The following PHF3 variants were observed in gnomAD, a reference collection of about 807,000 sequenced individuals.
PHF3 encodes the protein PHD finger protein 3.
PHF3 carries 41 observed loss-of-function variants against 178.4 expected under a neutral mutation model. The observed-to-expected ratio is 0.23, with a 90% CI of 0.18 to 0.30. The LOEUF is 0.30. Ranked by LOEUF, PHF3 falls within the 10% of genes least tolerant of loss-of-function variation. The pLI is 1.00. For missense variants in PHF3, 2,346 were observed against 2,398.1 expected (o/e 0.98, Z 0.45); for synonymous variants, 842 against 800.5 (o/e 1.05, Z -0.88).
At chr6:63,665,977 T>C (rs780912845) in intron 2 of PHF3, among the ~76,000 whole-genome samples, 1 of 152,210 alleles carries the variant, frequency 6.6e-6, no homozygotes, top group Non-Finnish European at 1.5e-5. Flanking sequence ...GACTGACATG[T>C]ATTCATCAAG....
Position 63,717,152 on chromosome 6 carries a change from GT to G in PHF3, c.*3445del, listed in dbSNP as rs1768215963. Among the ~76,000 whole-genome samples, 1 of 152,030 alleles carries G rather than the reference GT, an allele frequency of 6.6e-6. No individual in the cohort carries two copies. On this transcript the variant is annotated 3_prime_UTR_variant, in exon 16 of 16. Coordinates refer to ENST00000262043, the MANE Select transcript of PHF3 (RefSeq NM_001370348.2). Reference sequence around the variant, plus strand: ...AATAGAGAAGAAAATGGAGTGAAAAGTGAAGCCACTCCATGTTAACGTGTGT... The same window carrying G: ...AATAGAGAAGAAAATGGAGTGAAAAGGAAGCCACTCCATGTTAACGTGTGT...
chr6:63,718,377 GC>G lies in PHF3; in HGVS notation c.*4670del, dbSNP rs1475440856. ...ACTCTTAAAAATTGAGAATGTCAAAGCTTTTGTTTATATGGCTTATATCATT... is the reference window on the plus strand; with the variant it reads ...ACTCTTAAAAATTGAGAATGTCAAAGTTTTGTTTATATGGCTTATATCATT... On this transcript the variant is annotated 3_prime_UTR_variant, in exon 16 of 16. Transcript: ENST00000262043. Among the ~76,000 whole-genome samples, 1 of 151,864 alleles carries G rather than the reference GC, an allele frequency of 6.6e-6. No individual in the cohort carries two copies. Among genetic ancestry groups the G allele is most frequent in the Non-Finnish European group, 1.5e-5 (1 of 67,900 alleles).
rs151050780 is a variant in PHF3 at position 63,685,533 on chromosome 6, C to G, written c.1811C>G (p.Pro604Arg). The G allele has an allele frequency of 3.7e-6, 6 of 1,614,078 alleles. No homozygotes were observed. Among genetic ancestry groups the G allele is most frequent in the Non-Finnish European group, 5.1e-6 (6 of 1,179,998 alleles). Residue 604 changes from proline (P) to arginine (R), a missense_variant, in exon 4 of 16, where the codon CCT becomes CGT. Physicochemically the swap from Pro to Arg is moderately radical, Grantham distance 103. Around this residue, in one of 8 missense-constraint regions of PHF3, gnomAD observed 843 missense variants for 795.2 expected, o/e 1.06. Transcript: ENST00000262043. The stretch of plus-strand genomic sequence containing the variant: ...TTGAGTGATAAGTCACACGCTCATC[C>G]TGGTTGCTTGAAAGAACCTCATCAT... ...HSLSDKSHAHPGCLKEPHHPA... is the reference protein window; with the variant it reads ...HSLSDKSHAHRGCLKEPHHPA...
chr6:63,678,025 C>G (rs901772914), intron 2 of PHF3, among the ~76,000 whole-genome samples: 1 of 152,110 alleles, frequency 6.6e-6, no homozygotes, highest in Admixed American at 6.5e-5. Flanking sequence ...GAGTTCGAGA[C>G]CAGCCTGGCC....
At chr6:63,698,799 C>G (rs1225518918) in intron 8 of PHF3, among the ~76,000 whole-genome samples, 194 bp downstream of exon 8, 1 of 152,104 alleles carries the variant, frequency 6.6e-6, no homozygotes, top group African/African-American at 2.4e-5. Context: ...ACCATTCAGT[C>G]TACTGAAATG....
intron 8 of PHF3, 139 bp downstream of exon 8, chr6:63,698,744 AAT>A (rs1472018206): frequency 3.3e-5 from 19 of 571,054 alleles, no homozygotes; most frequent in African/African-American, 5.7e-5. Context: ...ATGTAATTTT[AAT>A]AGTCTTTTTG....
chr6:63,665,489 T>TTTG (rs931903971), intron 2 of PHF3, among the ~76,000 whole-genome samples: 12 of 144,458 alleles, frequency 8.3e-5, no homozygotes, highest in African/African-American at 1.3e-4. Context: ...TTTTTTTGTT[T>TTTG]TTTTTTTTTT....
Position 63,706,069 on chromosome 6 carries a change from A to C in PHF3, c.3408A>C (p.Lys1136Asn). 1 of 1,613,774 alleles carries C rather than the reference A, an allele frequency of 6.2e-7. No homozygotes were observed. Among genetic ancestry groups the C allele is most frequent in the African/African-American group, 1.3e-5 (1 of 75,056 alleles). The change falls in exon 12 of 16, where the codon AAA becomes AAC. Residue 1136 changes from lysine to asparagine, a missense_variant. Transcript: ENST00000262043. Reference protein sequence around the residue: ...APPVDDLSPKKVKVVVGVARK... With the variant: ...APPVDDLSPKNVKVVVGVARK... ...CTGTAGATGATCTTTCTCCAAAAAAAGTAAAAGTTGTTGTAGGAGTAGCTC... is the reference window on the plus strand; with the variant it reads ...CTGTAGATGATCTTTCTCCAAAAAACGTAAAAGTTGTTGTAGGAGTAGCTC...
At chr6:63,641,567 T>C (rs903998466) in intron 1 of PHF3, among the ~76,000 whole-genome samples, 1 of 144,126 alleles carries the variant, frequency 6.9e-6, no homozygotes, top group Non-Finnish European at 1.5e-5. Context: ...TGTGTGTGTG[T>C]GTTTTAGGAA....
intron 4 of PHF3, among the ~76,000 whole-genome samples, chr6:63,688,127 A>T (rs1231595789): frequency 2.1e-5 from 3 of 142,542 alleles, no homozygotes; most frequent in Non-Finnish European, 4.6e-5. Flanking sequence ...CGGAGCTTGC[A>T]GTGAGCCGAG....
At chr6:63,652,253 T>C (rs1765049929) in intron 2 of PHF3, among the ~76,000 whole-genome samples, 1 of 152,232 alleles carries the variant, frequency 6.6e-6, no homozygotes, top group African/African-American at 2.4e-5. Context: ...TGAGATGATA[T>C]CTCATTGTAG....
intron 4 of PHF3, among the ~76,000 whole-genome samples, chr6:63,689,353 T>C (rs1766892919): frequency 6.6e-6 from 1 of 152,164 alleles, no homozygotes; most frequent in Non-Finnish European, 1.5e-5. Context: ...GCCCCAATTG[T>C]AGAAGACTAG....
chr6:63,676,490 G>A (rs114903619), intron 2 of PHF3, among the ~76,000 whole-genome samples: 173 of 152,336 alleles, frequency 1.1e-3, no homozygotes, highest in African/African-American at 4.0e-3. Flanking sequence ...AATGAGTTAT[G>A]GGTATTTGGG....
At chr6:63,707,649 C>T (rs139160572) in intron 13 of PHF3, among the ~76,000 whole-genome samples, 2,359 of 151,002 alleles carry the variant, frequency 0.016, 49 homozygotes, top group South Asian at 0.089. Context: ...TATTCTCTAT[C>T]TGCTGATTTT....
intron 2 of PHF3, among the ~76,000 whole-genome samples, chr6:63,651,756 T>C (rs1275364013): frequency 2.0e-5 from 3 of 152,138 alleles, no homozygotes; most frequent in Non-Finnish European, 4.4e-5. Context: ...ACTGTCTACT[T>C]GTGTGAGCTC....
At chr6:63,637,661 A>G (rs146287086) in intron 1 of PHF3, among the ~76,000 whole-genome samples, 2 of 152,128 alleles carry the variant, frequency 1.3e-5, no homozygotes, top group East Asian at 1.9e-4. Context: ...TATCACTGTT[A>G]TTATTATTTT....
intron 2 of PHF3, among the ~76,000 whole-genome samples, chr6:63,676,105 T>C (rs1277729142): frequency 6.6e-6 from 1 of 152,260 alleles, no homozygotes; most frequent in Admixed American, 6.5e-5. Context: ...CCAAATTTGT[T>C]CTTTCCAACT....
rs1764387194 is a variant in PHF3 at position 63,637,356 on chromosome 6, CTGAA to C, written c.-26+1211_-26+1214del. ...GCCTCCATTATTCATTTTTCGATTC[CTGAA>C]TGAAGTGTTTGGAACTGTGAAAATA... On this transcript the variant is annotated intron_variant, in intron 1 of 15. Transcript: ENST00000262043. Among the ~76,000 whole-genome samples, 6 of 152,168 alleles carry C rather than the reference CTGAA, an allele frequency of 3.9e-5. No individual in the cohort carries two copies. The East Asian group carries it at 1.2e-3, about 29-fold the overall frequency.
At position 63,723,234 on chromosome 6, in the gene PHF3, CATGT is replaced by C. The variant is rs1261374585; in HGVS notation, c.*9529_*9532del. ...CTCAGTTTATTTGCATAATTTCTAA[CATGT>C]ATAGCATTTTTAACTATAAGGAAAG... On this transcript the variant is annotated 3_prime_UTR_variant, in exon 16 of 16. Transcript: ENST00000262043. Among the ~76,000 whole-genome samples, 1 of 152,022 alleles carries C rather than the reference CATGT, an allele frequency of 6.6e-6. No individual in the cohort carries two copies. Among genetic ancestry groups the C allele is most frequent in the Admixed American group, 6.6e-5 (1 of 15,258 alleles).
Sources: allele counts gnomAD v4.1 joint callset (sites outside exome capture counted in the v4.1 genomes callset), GRCh38; gene constraint gnomAD v4.1.1; regional missense constraint gnomAD v4.1.1; transcripts MANE v1.5; gene names NCBI Gene and HGNC (gene_info 2026-07-23, HGNC 2026-07-21).